The following CNTN4 variants were observed in gnomAD, a reference collection of about 807,000 sequenced individuals.
CNTN4 encodes contactin 4.
Under a neutral mutation model 122.5 loss-of-function variants are expected in CNTN4, and 77 were observed. The observed-to-expected ratio is 0.63, with a 90% CI of 0.52 to 0.76. The LOEUF (loss-of-function observed/expected upper bound fraction) is 0.76, where lower values mean the gene tolerates loss of function less well. Among genes scored for constraint, CNTN4 ranks in the 30% least tolerant of loss-of-function variants. The pLI, the probability that CNTN4 is intolerant of heterozygous loss-of-function variation, is 0.00. For missense variants in CNTN4, 1,256 were observed against 1,259.1 expected (o/e 1.00, Z 0.04); for synonymous variants, 512 against 447.0 (o/e 1.15, Z -1.83).
At chr3:2,169,599 C>T (rs2728521) in intron 2 of CNTN4, among the ~76,000 whole-genome samples, 18 of 150,726 alleles carry the variant, frequency 1.2e-4, no homozygotes, top group South Asian at 6.3e-4. Context: ...GGGTTTCACC[C>T]TGCTAGCCAG....
At chr3:2,169,243 A>G (rs898225431) in intron 2 of CNTN4, among the ~76,000 whole-genome samples, 1 of 152,174 alleles carries the variant, frequency 6.6e-6, no homozygotes, top group Non-Finnish European at 1.5e-5. Context: ...TATTTGTTCT[A>G]AAAATGCAAG....
chr3:2,286,959 G>A (rs544187993), intron 2 of CNTN4, among the ~76,000 whole-genome samples: 8 of 152,292 alleles, frequency 5.3e-5, no homozygotes, highest in South Asian at 2.1e-4. Context: ...TGGATTAAGC[G>A]TTTGTAGGTA....
chr3:2,499,518 CTG>C (rs1241361516), intron 3 of CNTN4, among the ~76,000 whole-genome samples: 1 of 152,044 alleles, frequency 6.6e-6, no homozygotes, highest in South Asian at 2.1e-4. Flanking sequence ...ACCAATAAAA[CTG>C]TTATTTTTTT....
At chr3:2,279,271 A>T (rs2041629549) in intron 2 of CNTN4, among the ~76,000 whole-genome samples, 1 of 152,196 alleles carries the variant, frequency 6.6e-6, no homozygotes, top group African/African-American at 2.4e-5. Context: ...TTTCTAATCA[A>T]AGAAAAAAAA....
chr3:2,469,171 G>A (rs559699074), intron 3 of CNTN4, among the ~76,000 whole-genome samples: 7 of 152,108 alleles, frequency 4.6e-5, no homozygotes, highest in East Asian at 1.9e-4. Context: ...ACTAAGTTTC[G>A]CTCTTTACTA....
At chr3:2,333,905 T>C (rs2043837000) in intron 2 of CNTN4, among the ~76,000 whole-genome samples, 1 of 50,884 alleles carries the variant, frequency 2.0e-5, no homozygotes, top group Non-Finnish European at 6.4e-5. Flanking sequence ...TTTAACTACC[T>C]GTGAAGGAAG....
At chr3:2,684,234 G>T (rs1433316115) in intron 4 of CNTN4, among the ~76,000 whole-genome samples, 1 of 152,086 alleles carries the variant, frequency 6.6e-6, no homozygotes, top group Non-Finnish European at 1.5e-5. Flanking sequence ...ATTTAGCAAG[G>T]CTTCAAGGGG....
intron 6 of CNTN4, among the ~76,000 whole-genome samples, chr3:2,795,402 T>C (rs780766207): frequency 2.6e-5 from 4 of 152,184 alleles, no homozygotes; most frequent in African/African-American, 9.7e-5. Flanking sequence ...AATACCCTTT[T>C]CTCACAACTC....
chr3:2,719,793 G>A (rs2087728471), intron 4 of CNTN4, among the ~76,000 whole-genome samples: 1 of 152,112 alleles, frequency 6.6e-6, no homozygotes, highest in African/African-American at 2.4e-5. Flanking sequence ...CTTTCTTGGT[G>A]GGCTAAGCCT....
At chr3:2,734,014 G>A (rs2088893379) in intron 4 of CNTN4, among the ~76,000 whole-genome samples, 1 of 152,106 alleles carries the variant, frequency 6.6e-6, no homozygotes, top group African/African-American at 2.4e-5. Context: ...GTACATGTGT[G>A]TTTATGGGAA....
chr3:2,611,107 T>G (rs769648678), intron 4 of CNTN4, among the ~76,000 whole-genome samples: 17 of 151,948 alleles, frequency 1.1e-4, no homozygotes, highest in Non-Finnish European at 2.2e-4. Flanking sequence ...GTCTCCATTT[T>G]ACAGATGTTA....
intron 3 of CNTN4, among the ~76,000 whole-genome samples, chr3:2,408,941 TTCAAGA>T (rs1246820276): frequency 2.6e-5 from 4 of 152,158 alleles, no homozygotes; most frequent in African/African-American, 9.7e-5. Context: ...TTTATAAAGC[TTCAAGA>T]TTTATTTTTG....
intron 2 of CNTN4, among the ~76,000 whole-genome samples, chr3:2,238,166 T>G (rs2039757267): frequency 6.6e-6 from 1 of 152,152 alleles, no homozygotes; most frequent in Non-Finnish European, 1.5e-5. Context: ...TATTTTGGGA[T>G]ATGTACCATT....
intron 4 of CNTN4, among the ~76,000 whole-genome samples, chr3:2,669,033 T>C (rs1457231823): frequency 6.6e-6 from 1 of 152,024 alleles, no homozygotes; most frequent in Non-Finnish European, 1.5e-5. Context: ...GTTCATCAGG[T>C]ATATTGGTCT....
chr3:2,126,663 T>G (rs755977213), intron 2 of CNTN4, among the ~76,000 whole-genome samples: 2 of 152,068 alleles, frequency 1.3e-5, no homozygotes, highest in Non-Finnish European at 2.9e-5. Flanking sequence ...CAAAATGGAG[T>G]GCTATGTATG....
intron 2 of CNTN4, among the ~76,000 whole-genome samples, chr3:2,191,971 C>A (rs36176089): frequency 0.7 from 105,133 of 151,154 alleles, 37,627 homozygotes; most frequent in South Asian, 0.83. Flanking sequence ...TGAGTGAGAA[C>A]ATGCGGTGTT....
At chr3:2,970,811 C>T (rs1247417642) in intron 13 of CNTN4, among the ~76,000 whole-genome samples, 1 of 151,266 alleles carries the variant, frequency 6.6e-6, no homozygotes, top group Non-Finnish European at 1.5e-5. Flanking sequence ...TTTTTGAGAC[C>T]GATTCTCACT....
chr3:2,322,472 G>T (rs1575369505), intron 2 of CNTN4, among the ~76,000 whole-genome samples: 1 of 152,238 alleles, frequency 6.6e-6, no homozygotes, highest in East Asian at 1.9e-4. Context: ...AATATCACAT[G>T]TAAGGCACCC....
At chr3:2,540,802 G>C (rs1166177040) in intron 3 of CNTN4, among the ~76,000 whole-genome samples, 1 of 152,022 alleles carries the variant, frequency 6.6e-6, no homozygotes, top group Non-Finnish European at 1.5e-5. Flanking sequence ...TAAATCCTGT[G>C]CTTACTTAAC....
Sources: gnomAD v4.1 joint callset for allele counts (sites outside exome capture counted in the v4.1 genomes callset) on GRCh38, gnomAD v4.1.1 for gene constraint, MANE v1.5 for transcripts, NCBI Gene and HGNC (gene_info 2026-07-23, HGNC 2026-07-21) for gene names.